NAV2: variants seen among roughly 807,000 people sequenced by gnomAD.
The protein encoded by NAV2 is helicase, APC down-regulated 1.
Under a neutral mutation model 223.2 loss-of-function variants are expected in NAV2, and 54 were observed. That is an observed-to-expected ratio of 0.24 (90% CI 0.19 to 0.30). NAV2 has a LOEUF of 0.30. NAV2 is among the 10% of genes least tolerant of loss of function. The probability of loss-of-function intolerance (pLI) is 1.00; values close to 1 mark genes in which losing one functional copy is unlikely to be tolerated. For synonymous variants in NAV2, 1,279 were observed against 1,239.3 expected (o/e 1.03, Z -0.67); for missense variants, 2,806 against 3,147.5 (o/e 0.89, Z 2.60).
At chr11:19,840,378 T>G (rs1477258823) in intron 2 of NAV2, among the ~76,000 whole-genome samples, 1 of 152,168 alleles carries the variant, frequency 6.6e-6, no homozygotes, top group Middle Eastern at 3.2e-3. Flanking sequence ...AGCCCTTTGG[T>G]TTCATTATTC....
chr11:19,660,006 T>C (rs986162091), intron 1 of NAV2, among the ~76,000 whole-genome samples: 2 of 152,126 alleles, frequency 1.3e-5, no homozygotes, highest in African/African-American at 4.8e-5. Flanking sequence ...ATTGATCATT[T>C]CTCTGCCTAC....
intron 4 of NAV2, 120 bp from the exon 5 acceptor site, chr11:19,879,749 T>C (rs2063081995): frequency 1.8e-6 from 2 of 1,129,050 alleles, no homozygotes; most frequent in East Asian, 2.4e-5. Context: ...GTGATACCAA[T>C]GAAGTGTTCA....
chr11:20,033,932 G>A (rs1177354624), intron 11 of NAV2, among the ~76,000 whole-genome samples: 1 of 152,216 alleles, frequency 6.6e-6, no homozygotes, highest in African/African-American at 2.4e-5. Context: ...GGAAGACTGA[G>A]TGGTAGAATA....
At chr11:19,455,641 T>C (rs1851933716) in intron 1 of NAV2, among the ~76,000 whole-genome samples, 2 of 152,142 alleles carry the variant, frequency 1.3e-5, no homozygotes, top group Non-Finnish European at 2.9e-5. Flanking sequence ...TATTATGCCA[T>C]TTTACATGAC....
chr11:19,528,822 C>T (rs187491350), intron 1 of NAV2, among the ~76,000 whole-genome samples: 39 of 150,786 alleles, frequency 2.6e-4, no homozygotes, highest in African/African-American at 6.6e-4. Flanking sequence ...CCCAGCTACT[C>T]GGGAGGCTGA....
intron 10 of NAV2, among the ~76,000 whole-genome samples, chr11:19,961,246 G>A (rs778680994): frequency 5.9e-5 from 9 of 151,966 alleles, no homozygotes; most frequent in Admixed American, 1.3e-4. Context: ...CACTGCACCC[G>A]GCCCACGTTT....
intron 1 of NAV2, among the ~76,000 whole-genome samples, chr11:19,624,675 A>G (rs1047927404): frequency 2.6e-5 from 4 of 152,228 alleles, no homozygotes; most frequent in African/African-American, 7.2e-5. Flanking sequence ...TGGCTAGGAA[A>G]GGGAATTCCA....
intron 1 of NAV2, among the ~76,000 whole-genome samples, chr11:19,539,482 T>G (rs1251150657): frequency 6.6e-6 from 1 of 152,236 alleles, no homozygotes; most frequent in East Asian, 1.9e-4. Flanking sequence ...TATTTAATAT[T>G]AATCTTATTT....
chr11:19,653,286 C>A (rs774947592), intron 1 of NAV2, among the ~76,000 whole-genome samples: 1 of 152,174 alleles, frequency 6.6e-6, no homozygotes, highest in Non-Finnish European at 1.5e-5. Context: ...AGTATCTGCT[C>A]ACACTAACTT....
chr11:19,479,014 G>T (rs1052128646), intron 1 of NAV2, among the ~76,000 whole-genome samples: 23 of 152,200 alleles, frequency 1.5e-4, no homozygotes, highest in African/African-American at 5.3e-4. Flanking sequence ...AGATTCTACA[G>T]AGGTGGGGTA....
intron 3 of NAV2, among the ~76,000 whole-genome samples, chr11:19,859,546 A>G (rs560353350): frequency 6.6e-6 from 1 of 151,396 alleles, no homozygotes; most frequent in East Asian, 2.0e-4. Flanking sequence ...ACCTCTTTCT[A>G]CACAGACACG....
At chr11:20,065,312 A>G (rs2058974329) in intron 20 of NAV2, among the ~76,000 whole-genome samples, 2 of 152,320 alleles carry the variant, frequency 1.3e-5, no homozygotes, top group South Asian at 2.1e-4. Context: ...TGAGAGTTTT[A>G]AAGGCTCTTA....
intron 1 of NAV2, among the ~76,000 whole-genome samples, chr11:19,495,648 A>G (rs916312212): frequency 4.6e-5 from 7 of 152,234 alleles, no homozygotes; most frequent in Non-Finnish European, 1.0e-4. Flanking sequence ...AGGCACAGGT[A>G]TATCTGCTCT....
intron 1 of NAV2, among the ~76,000 whole-genome samples, chr11:19,360,645 T>C (rs1451558493): frequency 2.6e-5 from 4 of 152,178 alleles, no homozygotes; most frequent in Admixed American, 2.6e-4. Context: ...ACCTAGCTTT[T>C]GAGGGTGGAT....
intron 11 of NAV2, among the ~76,000 whole-genome samples, chr11:20,035,148 C>T (rs1353915381): frequency 6.6e-6 from 1 of 151,824 alleles, no homozygotes; most frequent in African/African-American, 2.4e-5. Context: ...GACCAGCTGG[C>T]CTTTTAGCAG....
chr11:19,953,338 T>A (rs1227443657), intron 10 of NAV2, among the ~76,000 whole-genome samples: 1 of 152,206 alleles, frequency 6.6e-6, no homozygotes, highest in Non-Finnish European at 1.5e-5. Flanking sequence ...GGCCTTTGCC[T>A]CATCTGCCTT....
chr11:19,545,687 G>A (rs560396555), intron 1 of NAV2, among the ~76,000 whole-genome samples: 24 of 152,080 alleles, frequency 1.6e-4, no homozygotes, highest in South Asian at 4.2e-4. Context: ...TGTCCAACCC[G>A]CGGCCCAGGG....
At position 19,937,350 on chromosome 11, in the gene NAV2, C is replaced by T. The variant is rs1180182733; in HGVS notation, c.2034-2311C>T. Among the ~76,000 whole-genome samples, 20 of 94,434 alleles carry T rather than the reference C, an allele frequency of 2.1e-4. No individual in the cohort carries two copies. In the Admixed American group the frequency reaches 2.7e-3, roughly 13 times the overall value. 62.0% of individuals were successfully genotyped at this position (94,434 alleles called of 152,430 possible). On this transcript the variant is annotated intron_variant, in intron 7 of 37. Transcript: ENST00000349880. ...GTTCACTATATATAACTTATAATTG[C>T]TCCCCCCCCGCCCACCAAAACCTCT...
At chr11:19,637,589 T>C (rs1445768477) in intron 1 of NAV2, among the ~76,000 whole-genome samples, 1 of 152,258 alleles carries the variant, frequency 6.6e-6, no homozygotes, top group Non-Finnish European at 1.5e-5. Context: ...AGCCCCGGCA[T>C]CTGCTTCTGG....
Sources: gnomAD v4.1 joint callset for allele counts (sites outside exome capture counted in the v4.1 genomes callset) on GRCh38, gnomAD v4.1.1 for gene constraint, MANE v1.5 for transcripts, NCBI Gene and HGNC (gene_info 2026-07-23, HGNC 2026-07-21) for gene names.